The following GPHN variants were observed in gnomAD, a reference collection of about 807,000 sequenced individuals.
The protein encoded by GPHN is gephyrin.
A neutral mutation model predicts 95.5 loss-of-function variants in GPHN; 17 were observed. That is an observed-to-expected ratio of 0.18 (90% CI 0.12 to 0.27). GPHN has a LOEUF of 0.27. Ranked by LOEUF, GPHN falls within the 10% of genes least tolerant of loss-of-function variation. The pLI is 1.00. For missense variants in GPHN, 660 were observed against 978.1 expected (o/e 0.67, Z 4.34); for synonymous variants, 320 against 322.5 (o/e 0.99, Z 0.08).
At chr14:67,396,845 C>T in the GPHN span, among the ~76,000 whole-genome samples, 1 of 152,230 alleles carries the variant, frequency 6.6e-6, no homozygotes, top group Non-Finnish European at 1.5e-5. Flanking sequence ...ATCAGCAACT[C>T]TATGAAGAAA....
chr14:67,358,781 C>T, the GPHN span, among the ~76,000 whole-genome samples: 9 of 152,162 alleles, frequency 5.9e-5, no homozygotes, highest in Non-Finnish European at 1.0e-4. Context: ...GAGAAAACGT[C>T]AAAATTTTCC....
intron 16 of GPHN, among the ~76,000 whole-genome samples, chr14:67,116,499 A>C (rs2078705792): frequency 6.6e-6 from 1 of 152,144 alleles, no homozygotes; most frequent in African/African-American, 2.4e-5. Context: ...CCTGTTCCCC[A>C]AAAATCTATT....
At chr14:67,573,593 G>A in the GPHN span, among the ~76,000 whole-genome samples, 68 of 152,312 alleles carry the variant, frequency 4.5e-4, no homozygotes, top group South Asian at 2.5e-3. This position sits in a 1 kb window ranked among gnomAD's most constrained non-coding sequence, Gnocchi z 4.8. Context: ...AATGAAATAG[G>A]GAGGTTCTCA....
the GPHN span, among the ~76,000 whole-genome samples, chr14:67,368,864 G>A: frequency 6.6e-6 from 1 of 151,894 alleles, no homozygotes; most frequent in Non-Finnish European, 1.5e-5. Flanking sequence ...CTAGAAATAA[G>A]TAAGTAAAAT....
rs553784738 is a variant in GPHN at position 66,618,298 on chromosome 14, G to A, written c.65-62809G>A. Among the ~76,000 whole-genome samples the A allele has an allele frequency of 5.9e-5, 9 of 152,196 alleles. 1 individual carries two copies. Among genetic ancestry groups the A allele is most frequent in the Admixed American group, 3.9e-4 (6 of 15,294 alleles). ...TCCACATGTTGTCCAGGCTGGTCTC[G>A]AACTCCTGACCTCAGGTGATCCACC... On this transcript the variant is annotated intron_variant, in intron 1 of 22. Coordinates refer to ENST00000478722, the MANE Select transcript of GPHN (RefSeq NM_020806.5).
intron 4 of GPHN, among the ~76,000 whole-genome samples, chr14:66,838,139 C>T (rs890031142): frequency 3.9e-5 from 6 of 152,088 alleles, no homozygotes; most frequent in African/African-American, 1.4e-4. Context: ...TATTAGTGTG[C>T]AACCCCATGC....
the GPHN span, chr14:67,620,919 C>T: frequency 1.9e-6 from 3 of 1,614,130 alleles, no homozygotes; most frequent in East Asian, 6.7e-5. Context: ...GAGCATGGTC[C>T]CGCTGCCATA....
chr14:66,693,147 A>C (rs890108269), intron 2 of GPHN, among the ~76,000 whole-genome samples: 2 of 152,106 alleles, frequency 1.3e-5, no homozygotes, highest in African/African-American at 4.8e-5. Context: ...CATTTTATAA[A>C]TCTCTATAAT....
At chr14:66,663,771 A>T (rs1006649546) in intron 1 of GPHN, among the ~76,000 whole-genome samples, 1 of 152,228 alleles carries the variant, frequency 6.6e-6, no homozygotes, top group South Asian at 2.1e-4. Context: ...ATAGGCTCAA[A>T]AAAGGATGGA....
intron 3 of GPHN, among the ~76,000 whole-genome samples, chr14:66,810,958 A>G (rs1011104301): frequency 6.6e-6 from 1 of 152,234 alleles, no homozygotes; most frequent in South Asian, 2.1e-4. Context: ...ATAAAGGTAA[A>G]CAGTTTGTCA....
the GPHN span, among the ~76,000 whole-genome samples, chr14:67,502,851 T>C: frequency 6.6e-6 from 1 of 152,190 alleles, no homozygotes; most frequent in Non-Finnish European, 1.5e-5. Context: ...ATACTTTCTG[T>C]GTGTAAAACC....
chr14:67,669,460 T>C, the GPHN span, among the ~76,000 whole-genome samples: 6 of 149,136 alleles, frequency 4.0e-5, no homozygotes, highest in Non-Finnish European at 8.9e-5. Flanking sequence ...TAGAGATAGG[T>C]CTCACCATGT....
chr14:66,699,754 T>C (rs1396452328), intron 2 of GPHN, among the ~76,000 whole-genome samples: 1 of 152,194 alleles, frequency 6.6e-6, no homozygotes, highest in Non-Finnish European at 1.5e-5. Context: ...AGAGAAAGGC[T>C]AAGATAATAG....
chr14:66,969,650 A>T (rs933066601), intron 9 of GPHN: 1 of 152,046 alleles, frequency 6.6e-6, no homozygotes, highest in African/African-American at 2.4e-5. Context: ...AAATACAAAA[A>T]ATTAGCCGGG....
chr14:67,280,058 A>T, the GPHN span: 1 of 152,226 alleles, frequency 6.6e-6, no homozygotes, highest in Non-Finnish European at 1.5e-5. Flanking sequence ...GGGGAAAAAA[A>T]GTCCTATGAG....
Position 66,546,149 on chromosome 14 carries a change from C to T in GPHN, c.64+37558C>T, listed in dbSNP as rs188027876. On this transcript the variant is annotated intron_variant, in intron 1 of 22. Coordinates refer to ENST00000478722, the MANE Select transcript of GPHN (RefSeq NM_020806.5). ...CAGACGATGGGCGGCCAGGCAGAGA[C>T]GCTCCTCACTTCCTAGATGGGATGG... Among the ~76,000 whole-genome samples the T allele has an allele frequency of 3.8e-3, 557 of 148,454 alleles. 8 individuals are homozygous for T. Among genetic ancestry groups the T allele is most frequent in the Admixed American group, 0.02 (298 of 15,010 alleles).
At chr14:66,553,039 G>C in intron 1 of GPHN, among the ~76,000 whole-genome samples, 1 of 149,714 alleles carries the variant, frequency 6.7e-6, no homozygotes, top group Non-Finnish European at 1.5e-5. Context: ...TTCCCAGGCT[G>C]GAGTGCAGTG....
At chr14:67,242,205 T>A in the GPHN span, among the ~76,000 whole-genome samples, 1 of 152,218 alleles carries the variant, frequency 6.6e-6, no homozygotes, top group Admixed American at 6.5e-5. Flanking sequence ...TAACTCACCT[T>A]CTGTTGATTG....
At chr14:67,568,693 G>C in the GPHN span, among the ~76,000 whole-genome samples, 1 of 152,180 alleles carries the variant, frequency 6.6e-6, no homozygotes, top group Non-Finnish European at 1.5e-5. Context: ...AAGAGCCCTT[G>C]TCGTGTGGCC....
Sources: gnomAD v4.1 joint callset for allele counts (sites outside exome capture counted in the v4.1 genomes callset) on GRCh38, gnomAD v4.1.1 for gene constraint, Gnocchi (gnomAD v3.1) non-coding constraint, MANE v1.5 for transcripts, NCBI Gene and HGNC (gene_info 2026-07-23, HGNC 2026-07-21) for gene names.